APOB: variants seen among roughly 807,000 people sequenced by gnomAD.
The protein encoded by APOB is apolipoprotein B-100.
A neutral mutation model predicts 314.1 loss-of-function variants in APOB; 153 were observed. That is an observed-to-expected ratio of 0.49 (90% CI 0.43 to 0.56). APOB has a LOEUF of 0.56. Ranked by LOEUF, APOB falls within the 20% of genes least tolerant of loss-of-function variation. The probability of loss-of-function intolerance (pLI) is 0.00; values close to 1 mark genes in which losing one functional copy is unlikely to be tolerated. For synonymous variants in APOB, 2,087 were observed against 2,036.4 expected, an observed-to-expected ratio of 1.02 and a Z score of -0.67; for missense variants, 5,430 against 5,350.7, an observed-to-expected ratio of 1.01 and a Z score of -0.46.
At chr2:21,038,564 G>C (rs1421123761) in intron 4 of APOB, among the ~76,000 whole-genome samples, 3 of 152,148 alleles carry the variant, frequency 2.0e-5, no homozygotes, top group African/African-American at 7.2e-5. Flanking sequence ...TCAAACTCCT[G>C]ACCTCAGGTG....
At chr2:21,021,387 A>G (rs1268665469) in intron 18 of APOB, among the ~76,000 whole-genome samples, 1 of 152,182 alleles carries the variant, frequency 6.6e-6, no homozygotes, top group Non-Finnish European at 1.5e-5. Context: ...GGATCGTAAG[A>G]GATGTCCAAT....
rs1366616257 is a variant in APOB at position 21,015,513 on chromosome 2, C to T, written c.3365G>A (p.Gly1122Asp). 6.2e-7 allele frequency: 1 copy of T among 1,613,810 alleles called. No homozygotes were observed. The highest frequency in any genetic ancestry group is 1.1e-5 in the South Asian group (1 of 91,086). ...TTGCAAACGGGGTATGGAAATAACACCCTTGATTTTTCTTTCTTCCTTTGT... is the reference window on the plus strand; with the variant it reads ...TTGCAAACGGGGTATGGAAATAACATCCTTGATTTTTCTTTCTTCCTTTGT... ...CDTKEERKIKGVISIPRLQAE... is the reference protein window; with the variant it reads ...CDTKEERKIKDVISIPRLQAE... The change falls in exon 22 of 29, where the codon GGT becomes GAT. Residue 1122 changes from glycine to aspartate, a missense_variant. Physicochemically the swap from Gly to Asp is moderately conservative, Grantham distance 94 (BLOSUM62 -1). Coordinates refer to ENST00000233242, the MANE Select transcript of APOB (RefSeq NM_000384.3).
chr2:21,005,907 T>C lies in APOB; in HGVS notation c.10961A>G (p.Gln3654Arg), dbSNP rs999234232. 1.2e-6 allele frequency: 2 copies of C among 1,613,992 alleles called. No homozygotes were observed. The change falls in exon 26 of 29, where the codon CAA (glutamine) becomes CGA (arginine). Residue 3654 changes from glutamine (Q) to arginine (R), a missense_variant. Physicochemically the swap from Gln to Arg is conservative, Grantham distance 43. This residue lies in a region of APOB where 3,281 missense variants were observed against 3,171.0 expected (regional missense o/e 1.03). Transcript: ENST00000233242. ...FQSQVELSND[Q>R]EKAHLDIAGS... ...TGCAATGTCAAGGTGTGCCTTTTCT[T>C]GGTCATTGGAAAGCTCGACCTGGCT... is the stretch of plus-strand genomic sequence containing the variant.
chr2:21,041,220 A>G lies in APOB; in HGVS notation c.238-137T>C, dbSNP rs987428423. On this transcript the variant is annotated intron_variant, in intron 3 of 28. Coordinates refer to ENST00000233242, the MANE Select transcript of APOB (RefSeq NM_000384.3). ...ACACCACTGCCTGCGCCTCAACACC[A>G]CATGCCTTATCAACATGCCTCCTGG... is the stretch of plus-strand genomic sequence containing the variant. 7.0e-6 allele frequency: 6 copies of G among 856,910 alleles called. No individual in the cohort carries two copies. In the African/African-American group the frequency reaches 1.0e-4, roughly 14 times the overall value. 53.1% of individuals were successfully genotyped at this position (856,910 alleles called of 1,614,324 possible).
Position 21,011,097 on chromosome 2 carries a change from G to A in APOB, c.5771C>T (p.Thr1924Ile), listed in dbSNP as rs771114554. Residue 1924 changes from threonine to isoleucine, a missense_variant, in exon 26 of 29, where the codon ACT becomes ATT. Thr to Ile is a moderately conservative substitution (Grantham distance 89, BLOSUM62 -1). Around this residue, in one of 3 missense-constraint regions of APOB, gnomAD observed 3,281 missense variants for 3,171.0 expected, o/e 1.03. Transcript: ENST00000233242. Reference sequence around the variant, plus strand: ...CAGGAATTTGCTATACAGCTGCCCAGTATGTTCTCCCCAGAGAGCGAGTTT... The same window carrying A: ...CAGGAATTTGCTATACAGCTGCCCAATATGTTCTCCCCAGAGAGCGAGTTT... ...NGKLALWGEH[T>I]GQLYSKFLLK... 2 of 1,614,106 alleles carry A rather than the reference G, an allele frequency of 1.2e-6. No homozygotes were observed. The highest frequency in any genetic ancestry group is 2.2e-5 in the South Asian group (2 of 91,088).
chr2:21,040,063 G>A (rs570917195), intron 4 of APOB, among the ~76,000 whole-genome samples: 1 of 152,228 alleles, frequency 6.6e-6, no homozygotes, highest in Non-Finnish European at 1.5e-5. Flanking sequence ...GGTCTTTCCC[G>A]TGCTGTTCTC....
chr2:21,033,537 C>A lies in APOB; in HGVS notation c.905-19G>T. On this transcript the variant is annotated intron_variant, in intron 8 of 28. Transcript: ENST00000233242. The stretch of plus-strand genomic sequence containing the variant: ...TTAGTACCTGGAAGATGGAAAGTGT[C>A]AAAGGAACTCTAGCTTTCTTCATCT... The A allele has an allele frequency of 6.3e-7, 1 of 1,594,792 alleles. No individual in the cohort carries two copies. The highest frequency in any genetic ancestry group is 1.1e-5 in the South Asian group (1 of 90,660).
chr2:21,037,404 T>C, intron 5 of APOB, 149 bp from the exon 6 acceptor site: 2 of 943,964 alleles, frequency 2.1e-6, no homozygotes, highest in Non-Finnish European at 3.3e-6. Flanking sequence ...CAGAGTGTGG[T>C]CTTGCTAGTG....
chr2:21,041,109 T>C (rs753078606), intron 3 of APOB, 26 bp from the exon 4 acceptor site: 3 of 1,606,288 alleles, frequency 1.9e-6, no homozygotes, highest in Non-Finnish European at 2.5e-6. Flanking sequence ...AGCAGAGCAT[T>C]GAGGTTGTCT....
intron 12 of APOB, 84 bp from the exon 13 acceptor site, chr2:21,028,622 G>C: frequency 2.1e-6 from 2 of 937,506 alleles, no homozygotes; most frequent in Non-Finnish European, 3.4e-6. Context: ...TTGTCTGCTA[G>C]CTCTTTCTTA....
chr2:21,005,032 T>C, intron 26 of APOB, 48 bp downstream of exon 26: 1 of 1,600,454 alleles, frequency 6.2e-7, no homozygotes, highest in East Asian at 2.2e-5. Context: ...CTCATAACTC[T>C]CATTGAAAAT....
intron 4 of APOB, among the ~76,000 whole-genome samples, chr2:21,039,318 C>T (rs10205849): frequency 0.035 from 5,302 of 152,268 alleles, 280 homozygotes; most frequent in Middle Eastern, 0.11. Flanking sequence ...TACATTAATT[C>T]GCATTTCTTG....
rs762484096 is a variant in APOB, at chr2:21,033,378, T to G, written c.1045A>C (p.Asn349His). 6.2e-7 allele frequency: 1 copy of G among 1,614,084 alleles called. No homozygotes were observed. Among genetic ancestry groups the G allele is most frequent in the African/African-American group, 1.3e-5 (1 of 74,938 alleles). The change falls in exon 9 of 29, where the codon AAT becomes CAT. Residue 349 changes from asparagine to histidine, a missense_variant. Around this residue, in one of 3 missense-constraint regions of APOB, gnomAD observed 2,085 missense variants for 2,079.7 expected, o/e 1.00. Coordinates refer to ENST00000233242, the MANE Select transcript of APOB (RefSeq NM_000384.3). ...EQNIQRANLF[N>H]KLVTELRGLS... ...CCTCTCAGCTCAGTAACCAGCTTAT[T>G]GAAGAGATTAGCTCTCTGGATATTT...
chr2:21,012,228 G>A lies in APOB; in HGVS notation c.4640C>T (p.Thr1547Ile), dbSNP rs773126678. Residue 1547 changes from threonine (T) to isoleucine (I), a missense_variant, in exon 26 of 29, where the codon ACC (threonine) becomes ATC (isoleucine). Coordinates refer to ENST00000233242, the MANE Select transcript of APOB (RefSeq NM_000384.3). ...AATGATGCCACTTTGCAGATCAGAG[G>A]TGGAGGTGAGGGAGAGGGTTCCATC... ...YEDGTLSLTSTSDLQSGIIKN... is the reference protein window; with the variant it reads ...YEDGTLSLTSISDLQSGIIKN... 6.2e-7 allele frequency: 1 copy of A among 1,610,308 alleles called. No homozygotes were observed. The highest frequency in any genetic ancestry group is 1.1e-5 in the South Asian group (1 of 90,816).
At chr2:21,013,652 T>G (rs1663392726) in intron 24 of APOB, 119 bp from the exon 25 acceptor site, 14 of 1,389,412 alleles carry the variant, frequency 1.0e-5, no homozygotes, top group Admixed American at 1.7e-5. Context: ...CTCTGCACTT[T>G]TCTTTGTGCT....
At position 21,015,683 on chromosome 2, in the gene APOB, A is replaced by G. The variant is rs754230887; in HGVS notation, c.3333-138T>C. 9.9e-6 allele frequency: 9 copies of G among 912,748 alleles called. No individual in the cohort carries two copies. The East Asian group carries it at 2.1e-4, about 21-fold the overall frequency. 56.5% of individuals were successfully genotyped at this position (912,748 alleles called of 1,614,324 possible). On this transcript the variant is annotated intron_variant, in intron 21 of 28. Coordinates refer to ENST00000233242, the MANE Select transcript of APOB (RefSeq NM_000384.3). Reference sequence around the variant, plus strand: ...AGAGAAACAGCCACAGATCAAACTCATCAACTTCTAAAGCCAACATTCAGC... The same window carrying G: ...AGAGAAACAGCCACAGATCAAACTCGTCAACTTCTAAAGCCAACATTCAGC...
At position 21,024,914 on chromosome 2, in the gene APOB, G is replaced by A. The variant is rs750980569; in HGVS notation, c.2436+19C>T. On this transcript the variant is annotated intron_variant, in intron 16 of 28. Coordinates refer to ENST00000233242, the MANE Select transcript of APOB (RefSeq NM_000384.3). ...CAACGTCTGGTCTCATGGGCCCCCA[G>A]TGGGGCCTGCTGACTTACCATCTGG... 6.2e-7 allele frequency: 1 copy of A among 1,613,604 alleles called. No individual in the cohort carries two copies. The highest frequency in any genetic ancestry group is 2.2e-5 in the East Asian group (1 of 44,858).
intron 15 of APOB, 70 bp from the exon 16 acceptor site, chr2:21,025,194 G>A (rs1663702394): frequency 6.7e-7 from 1 of 1,498,588 alleles, no homozygotes; most frequent in Non-Finnish European, 9.2e-7. Context: ...TCCCAATGTG[G>A]GACCTGTCTG....
chr2:21,007,360 C>A lies in APOB; in HGVS notation c.9508G>T (p.Asp3170Tyr). ...TTATACTGAGCTTTTACACTTAAATCAAATGATTGCTTTGTCGTTTTCAAG... is the reference window on the plus strand; with the variant it reads ...TTATACTGAGCTTTTACACTTAAATAAAATGATTGCTTTGTCGTTTTCAAG... ...EFLKTTKQSF[D>Y]LSVKAQYKKN... is the part of the protein sequence containing the mutation. The change falls in exon 26 of 29, where the codon GAT (aspartate) becomes TAT (tyrosine). Residue 3170 changes from aspartate (D) to tyrosine (Y), a missense_variant. Asp to Tyr is a radical substitution (Grantham distance 160, BLOSUM62 -3). Transcript: ENST00000233242. The A allele has an allele frequency of 1.9e-6, 3 of 1,613,970 alleles. No individual in the cohort carries two copies. Among genetic ancestry groups the A allele is most frequent in the Middle Eastern group, 1.7e-4 (1 of 6,060 alleles).
Sources: allele counts gnomAD v4.1 joint callset (sites outside exome capture counted in the v4.1 genomes callset), GRCh38; gene constraint gnomAD v4.1.1; regional missense constraint gnomAD v4.1.1; transcripts MANE v1.5; gene names NCBI Gene and HGNC (gene_info 2026-07-23, HGNC 2026-07-21).